The following CDC16 variants were observed in gnomAD, a reference collection of about 807,000 sequenced individuals.
The protein encoded by CDC16 is cell division cycle 16.
In CDC16, 34 loss-of-function variants were observed where a neutral mutation model predicts 87.0. That is an observed-to-expected ratio of 0.39 (90% CI 0.30 to 0.52). The LOEUF (loss-of-function observed/expected upper bound fraction) is 0.52. Ranked by LOEUF, CDC16 falls within the 20% of genes least tolerant of loss-of-function variation. CDC16 has a pLI of 0.74. For missense variants in CDC16, 653 were observed against 751.9 expected (o/e 0.87, Z 1.54); for synonymous variants, 263 against 260.6 (o/e 1.01, Z -0.09).
rs989027276 is a variant in CDC16, at chr13:114,242,112, T to C, written c.382-9T>C. On this transcript the variant is annotated splice_polypyrimidine_tract_variant and intron_variant, in intron 5 of 17. Transcript: ENST00000356221. ...TGACTTAATATGTGACTCATCATTT[T>C]TCCAACAGATAAAGAGTTCTATCTG... 1.3e-6 allele frequency: 2 copies of C among 1,589,152 alleles called. No individual in the cohort carries two copies. Among genetic ancestry groups the C allele is most frequent in the Non-Finnish European group, 1.7e-6 (2 of 1,172,502 alleles).
At chr13:114,272,150 CTTATT>C (rs750435783) in intron 17 of CDC16, 29 bp from the exon 18 acceptor site, 24 of 1,207,154 alleles carry the variant, frequency 2.0e-5, no homozygotes, top group Admixed American at 7.0e-5. Flanking sequence ...GATGGAATTT[CTTATT>C]TTATTCTAAT....
At chr13:114,261,815 TA>T in intron 14 of CDC16, 71 bp from the exon 15 acceptor site, 2 of 1,076,142 alleles carry the variant, frequency 1.9e-6, no homozygotes, top group Non-Finnish European at 2.7e-6. Flanking sequence ...AGGCGTGAAA[TA>T]ATTCAGTGCA....
chr13:114,257,088 C>T lies in CDC16; in HGVS notation c.1108C>T (p.Pro370Ser). Residue 370 changes from proline to serine, a missense_variant, in exon 13 of 18, where the codon CCT becomes TCT. Pro to Ser is a moderately conservative substitution (Grantham distance 74). Coordinates refer to ENST00000356221, the MANE Select transcript of CDC16 (RefSeq NM_001078645.3). ...TTTCCAATTTTTTAGGTGTCATTTGCCTATGCTGTATATTGGATTAGAATA... is the reference window on the plus strand; with the variant it reads ...TTTCCAATTTTTTAGGTGTCATTTGTCTATGCTGTATATTGGATTAGAATA... The part of the protein sequence containing the change: ...AAQLMKGCHL[P>S]MLYIGLEYGL... 6.4e-7 allele frequency: 1 copy of T among 1,563,898 alleles called. No homozygotes were observed. The highest frequency in any genetic ancestry group is 8.7e-7 in the Non-Finnish European group (1 of 1,147,720).
chr13:114,246,904 G>C (rs1566649683), intron 10 of CDC16, 27 bp from the exon 11 acceptor site: 1 of 1,457,206 alleles, frequency 6.9e-7, no homozygotes, highest in South Asian at 1.1e-5. Context: ...TCCAATCTTT[G>C]TTTATGGTAA....
intron 12 of CDC16, among the ~76,000 whole-genome samples, chr13:114,256,674 A>G (rs1295775993): frequency 6.6e-6 from 1 of 152,222 alleles, no homozygotes; most frequent in African/African-American, 2.4e-5. Flanking sequence ...AGTCAGAGGT[A>G]GCTTCATAAA....
intron 1 of CDC16, among the ~76,000 whole-genome samples, chr13:114,235,664 G>C (rs2081213379): frequency 6.6e-6 from 1 of 152,200 alleles, no homozygotes; most frequent in African/African-American, 2.4e-5. Flanking sequence ...AGAATCAGCA[G>C]CATCAGTTTT....
chr13:114,246,969 C>G lies in CDC16; in HGVS notation c.936C>G (p.Val312=), dbSNP rs753546403. The G allele has an allele frequency of 6.2e-7, 1 of 1,612,682 alleles. No homozygotes were observed. Among genetic ancestry groups the G allele is most frequent in the Admixed American group, 1.7e-5 (1 of 60,002 alleles). Residue 312 remains valine, a synonymous_variant, in exon 11 of 18, where the codon GTC becomes GTG. Coordinates refer to ENST00000356221, the MANE Select transcript of CDC16 (RefSeq NM_001078645.3). The part of the protein sequence containing the change: ...WFAVGCYYLM[V]GHKNEHARRY... ...CAGTGGGATGTTACTATCTCATGGT[C>G]GGTCATAAAAATGAACATGCCAGAA...
chr13:114,234,989 C>CGGCGG lies in CDC16; in HGVS notation c.-96_-95insGGCGG. 2 of 1,029,504 alleles carry CGGCGG rather than the reference C, an allele frequency of 1.9e-6. No individual in the cohort carries two copies. The highest frequency in any genetic ancestry group is 2.5e-6 in the Non-Finnish European group (2 of 804,356). 63.8% of individuals were successfully genotyped at this position (1,029,504 alleles called of 1,614,324 possible). A position where few individuals can be genotyped will look rare whatever the true frequency, so the allele number is the denominator to read the frequency against. On this transcript the variant is annotated 5_prime_UTR_variant, in exon 1 of 18. Coordinates refer to ENST00000356221, the MANE Select transcript of CDC16 (RefSeq NM_001078645.3). Reference sequence around the variant, plus strand: ...TCGAGTCCTGGGGCGGCGGCGGCGGCTGCAGGCACGGGCACGGGCACGGGG... The same window carrying CGGCGG: ...TCGAGTCCTGGGGCGGCGGCGGCGGCGGCGGTGCAGGCACGGGCACGGGCACGGGG...
rs1037257464 is a variant in CDC16 at position 114,255,800 on chromosome 13, G to A, written c.1098-1278G>A. 5.9e-5 allele frequency among the ~76,000 whole-genome samples: 9 copies of A among 152,064 alleles called. No homozygotes were observed. The East Asian group carries it at 1.7e-3, about 29-fold the overall frequency. On this transcript the variant is annotated intron_variant, in intron 12 of 17. Coordinates refer to ENST00000356221, the MANE Select transcript of CDC16 (RefSeq NM_001078645.3). ...TGGGACTACAAGCCCATACCACCAC[G>A]CTTGGCTAATTTTTTATTACTTTTT...
chr13:114,262,481 T>C (rs943647082), intron 15 of CDC16, among the ~76,000 whole-genome samples: 2 of 152,208 alleles, frequency 1.3e-5, no homozygotes, highest in Admixed American at 1.3e-4. Context: ...GGAGCACTTT[T>C]CTAAGTAAAT....
chr13:114,251,310 G>T (rs1429532572), intron 12 of CDC16, among the ~76,000 whole-genome samples: 1 of 152,198 alleles, frequency 6.6e-6, no homozygotes, highest in East Asian at 1.9e-4. Flanking sequence ...TCCCAGCCAT[G>T]TGACGTTGGG....
chr13:114,257,282 A>G, intron 13 of CDC16, 52 bp downstream of exon 13: 2 of 1,152,588 alleles, frequency 1.7e-6, no homozygotes, highest in South Asian at 1.5e-5. Context: ...TTGTAAATAC[A>G]GTAGGTGATC....
At chr13:114,253,071 G>A (rs2082285630) in intron 12 of CDC16, among the ~76,000 whole-genome samples, 1 of 152,184 alleles carries the variant, frequency 6.6e-6, no homozygotes, top group Admixed American at 6.5e-5. Context: ...CCACAATCCA[G>A]CCTGGGTGAC....
chr13:114,257,177 G>A lies in CDC16; in HGVS notation c.1197G>A (p.Pro399=), dbSNP rs757808625. The A allele has an allele frequency of 5.6e-6, 9 of 1,613,386 alleles. No homozygotes were observed. Among genetic ancestry groups the A allele is most frequent in the South Asian group, 2.2e-5 (2 of 90,980 alleles). The change falls in exon 13 of 18, where the codon CCG becomes CCA. Residue 399 remains proline, a synonymous_variant. Coordinates refer to ENST00000356221, the MANE Select transcript of CDC16 (RefSeq NM_001078645.3). The part of the protein sequence containing the change: ...RFFSQALSIA[P]EDPFVMHEVG... ...TCAGCCAAGCTCTGAGCATTGCACC[G>A]GAAGACCCTTTTGTTATGCATGAGG... is the stretch of plus-strand genomic sequence containing the variant.
chr13:114,272,649 A>G lies in CDC16; in HGVS notation c.*206A>G, dbSNP rs2083761214. On this transcript the variant is annotated 3_prime_UTR_variant, in exon 18 of 18. Coordinates refer to ENST00000356221, the MANE Select transcript of CDC16 (RefSeq NM_001078645.3). ...CTCTGAACCTACAAAATAGTTATACATAGTGGAATAAAGAAGGTAAACCAT... is the reference window on the plus strand; with the variant it reads ...CTCTGAACCTACAAAATAGTTATACGTAGTGGAATAAAGAAGGTAAACCAT... 1 of 455,092 alleles carries G rather than the reference A, an allele frequency of 2.2e-6. No homozygotes were observed. Among genetic ancestry groups the G allele is most frequent in the Non-Finnish European group, 3.9e-6 (1 of 259,526 alleles). 28.2% of individuals were successfully genotyped at this position (455,092 alleles called of 1,614,324 possible).
At chr13:114,259,487 T>C in intron 14 of CDC16, 89 bp downstream of exon 14, 6 of 705,122 alleles carry the variant, frequency 8.5e-6, no homozygotes, top group Non-Finnish European at 1.3e-5. Flanking sequence ...ATCTCTTGCC[T>C]TCGAAGATAG....
intron 5 of CDC16, among the ~76,000 whole-genome samples, chr13:114,240,979 ACT>A (rs1470390847): frequency 1.1e-4 from 16 of 152,046 alleles, no homozygotes; most frequent in African/African-American, 3.6e-4. Flanking sequence ...TAGTTCGAAG[ACT>A]CTCATAATTC....
Position 114,253,060 on chromosome 13 carries a change from A to G in CDC16, c.1097+2386A>G, listed in dbSNP as rs531775795. ...ACTGAGGCAGGATGGTCACTGTGCC[A>G]CCACAATCCAGCCTGGGTGACCAGT... On this transcript the variant is annotated intron_variant, in intron 12 of 17. Coordinates refer to ENST00000356221, the MANE Select transcript of CDC16 (RefSeq NM_001078645.3). 6.9e-4 allele frequency among the ~76,000 whole-genome samples: 105 copies of G among 152,326 alleles called. 2 individuals are homozygous for G. In the South Asian group the frequency reaches 0.022, roughly 31 times the overall value.
intron 11 of CDC16, among the ~76,000 whole-genome samples, chr13:114,248,966 C>G (rs550285396): frequency 4.0e-5 from 6 of 151,898 alleles, no homozygotes; most frequent in Admixed American, 2.0e-4. Flanking sequence ...AGAAGCCCCC[C>G]CTCCCAGGGT....
Sources: allele counts gnomAD v4.1 joint callset (sites outside exome capture counted in the v4.1 genomes callset), GRCh38; gene constraint gnomAD v4.1.1; transcripts MANE v1.5; gene names NCBI Gene and HGNC (gene_info 2026-07-23, HGNC 2026-07-21).